PARD3: variants seen among roughly 807,000 people sequenced by gnomAD.
The protein encoded by PARD3 is par-3 family cell polarity regulator.
Under a neutral mutation model 155.4 loss-of-function variants are expected in PARD3, and 75 were observed. The observed-to-expected ratio is 0.48, with a 90% confidence interval of 0.40 to 0.58. The LOEUF is 0.58. Ranked by LOEUF, PARD3 falls within the 20% of genes least tolerant of loss-of-function variation. PARD3 has a pLI of 0.00. For synonymous variants in PARD3, 576 were observed against 610.5 expected, an observed-to-expected ratio of 0.94 and a Z score of 0.83; for missense variants, 1,642 against 1,721.7, an observed-to-expected ratio of 0.95 and a Z score of 0.82.
At chr10:34,242,018 A>G (rs1210106703) in intron 22 of PARD3, among the ~76,000 whole-genome samples, 1 of 152,214 alleles carries the variant, frequency 6.6e-6, no homozygotes, top group South Asian at 2.1e-4. Context: ...TCATTTAAAC[A>G]GAAATACCTA....
At chr10:34,603,945 G>A (rs1267051460) in intron 2 of PARD3, among the ~76,000 whole-genome samples, 2 of 152,062 alleles carry the variant, frequency 1.3e-5, no homozygotes, top group African/African-American at 2.4e-5. Flanking sequence ...AGGCGGTGAC[G>A]GTCAAAGGTG....
intron 13 of PARD3, among the ~76,000 whole-genome samples, chr10:34,359,840 A>G (rs569319965): frequency 6.6e-6 from 1 of 152,140 alleles, no homozygotes; most frequent in South Asian, 2.1e-4. Flanking sequence ...ACTTCATTTA[A>G]CTAGCATGTC....
At chr10:34,547,570 A>C (rs559249881) in intron 2 of PARD3, among the ~76,000 whole-genome samples, 1 of 152,338 alleles carries the variant, frequency 6.6e-6, no homozygotes, top group African/African-American at 2.4e-5. Context: ...TTTAACTTTA[A>C]CATTACATAG....
At chr10:34,405,280 CGAT>C (rs1844340548) in intron 5 of PARD3, among the ~76,000 whole-genome samples, 2 of 151,930 alleles carry the variant, frequency 1.3e-5, no homozygotes, top group Admixed American at 6.6e-5. Context: ...AAACAAACCT[CGAT>C]AAATCTTTTA....
intron 1 of PARD3, among the ~76,000 whole-genome samples, chr10:34,784,621 G>A (rs1402945957): frequency 6.6e-6 from 1 of 152,160 alleles, no homozygotes; most frequent in Non-Finnish European, 1.5e-5. Context: ...AATTTTAGTA[G>A]AGACAGGGTT....
In PARD3 at chr10:34,382,794, A is replaced by T; in HGVS notation, c.1145T>A (p.Phe382Tyr). The change falls in exon 9 of 25, where the codon TTT becomes TAT. Residue 382 changes from phenylalanine to tyrosine, a missense_variant. Physicochemically the swap from Phe to Tyr is conservative, Grantham distance 22 (BLOSUM62 3). Transcript: ENST00000374788. ...GTCAATATACTGGCTGTCAGGGCTAAAACGGCTTGAATAGTAATTGTTCTT... is the reference window on the plus strand; with the variant it reads ...GTCAATATACTGGCTGTCAGGGCTATAACGGCTTGAATAGTAATTGTTCTT... ...SEKNNYYSSR[F>Y]SPDSQYIDNR... The T allele has an allele frequency of 6.2e-7, 1 of 1,614,200 alleles. No homozygotes were observed. The highest frequency in any genetic ancestry group is 8.5e-7 in the Non-Finnish European group (1 of 1,180,028).
intron 5 of PARD3, among the ~76,000 whole-genome samples, chr10:34,416,298 T>C (rs768700609): frequency 2.0e-5 from 3 of 152,146 alleles, no homozygotes; most frequent in Non-Finnish European, 2.9e-5. Flanking sequence ...TCAGCTATGC[T>C]TTGAGCAGAC....
At chr10:34,426,330 T>C (rs1430156323) in intron 5 of PARD3, among the ~76,000 whole-genome samples, 1 of 152,210 alleles carries the variant, frequency 6.6e-6, no homozygotes, top group Non-Finnish European at 1.5e-5. Flanking sequence ...TCCTCGTTAC[T>C]CATAGCATTT....
intron 3 of PARD3, among the ~76,000 whole-genome samples, chr10:34,514,644 C>G (rs2081599134): frequency 6.6e-6 from 1 of 152,172 alleles, no homozygotes; most frequent in African/African-American, 2.4e-5. Context: ...CCACTGGTGG[C>G]TGCAAGACAA....
In PARD3 at chr10:34,788,464, TC is replaced by T. The variant is rs201001031; in HGVS notation, c.120+26411del. 1.8e-3 allele frequency among the ~76,000 whole-genome samples: 267 copies of T among 148,616 alleles called. 3 individuals are homozygous for T. The highest frequency in any genetic ancestry group is 7.2e-3 in the Middle Eastern group (2 of 276). ...TAGGTCCAGTTCTTTTTTTTTTTTTTCCTGAGACACAGTCTTGCTCTGTCAC... is the reference window on the plus strand; with the variant it reads ...TAGGTCCAGTTCTTTTTTTTTTTTTTCTGAGACACAGTCTTGCTCTGTCAC... On this transcript the variant is annotated intron_variant, in intron 1 of 24. Transcript: ENST00000374788.
At chr10:34,778,078 TC>T (rs1190022400) in intron 1 of PARD3, among the ~76,000 whole-genome samples, 1 of 152,158 alleles carries the variant, frequency 6.6e-6, no homozygotes, top group African/African-American at 2.4e-5. Context: ...GATACCAAAA[TC>T]CAAGGATGCT....
chr10:34,553,813 C>T lies in PARD3; in HGVS notation c.223-36654G>A, dbSNP rs1348481726. Among the ~76,000 whole-genome samples, 5 of 152,158 alleles carry T rather than the reference C, an allele frequency of 3.3e-5. No homozygotes were observed. In the South Asian group the frequency reaches 6.2e-4, roughly 19 times the overall value. ...TTCAAAAGAGGTCTAAGACACTTAA[C>T]CCAACCTTACAACACTAAAAAGGAT... On this transcript the variant is annotated intron_variant, in intron 2 of 24. Transcript: ENST00000374788.
intron 22 of PARD3, among the ~76,000 whole-genome samples, chr10:34,132,201 A>T (rs1308846911): frequency 2.0e-5 from 3 of 152,236 alleles, no homozygotes; most frequent in Non-Finnish European, 2.9e-5. Context: ...TTCAAGTGGT[A>T]GTTTCATTTA....
intron 22 of PARD3, among the ~76,000 whole-genome samples, chr10:34,193,472 A>G (rs1049173232): frequency 2.0e-5 from 3 of 152,192 alleles, no homozygotes; most frequent in Non-Finnish European, 4.4e-5. Flanking sequence ...AGTTAATAAC[A>G]ATGATGAAAA....
chr10:34,746,286 A>T lies in PARD3; in HGVS notation c.121-49867T>A, dbSNP rs549743649. 2.4e-3 allele frequency among the ~76,000 whole-genome samples: 344 copies of T among 143,496 alleles called. 2 individuals are homozygous for T. The highest frequency in any genetic ancestry group is 8.4e-3 in the African/African-American group (333 of 39,496). The allele number at this position is 143,496 out of a possible 152,430, so 94.1% of individuals were successfully genotyped here. ...AGTGAGATTCTGTCTCTACAAAATT[A>T]AAAAAAAAAAAAATTAGCTGGGCAT... On this transcript the variant is annotated intron_variant, in intron 1 of 24. Coordinates refer to ENST00000374788, the MANE Select transcript of PARD3 (RefSeq NM_001184785.2).
At chr10:34,521,335 A>C (rs2082132366) in intron 2 of PARD3, among the ~76,000 whole-genome samples, 1 of 146,694 alleles carries the variant, frequency 6.8e-6, no homozygotes, top group Non-Finnish European at 1.5e-5. Context: ...TAGAAAATCT[A>C]CTCTATAAGA....
At chr10:34,501,819 T>C (rs565068635) in intron 3 of PARD3, among the ~76,000 whole-genome samples, 3 of 151,938 alleles carry the variant, frequency 2.0e-5, no homozygotes, top group East Asian at 1.9e-4. Context: ...GGTAAAGACC[T>C]TGGCATCAGG....
In PARD3 at chr10:34,353,380, C is replaced by A. The variant is rs551487000; in HGVS notation, c.2068-5265G>T. 2.6e-5 allele frequency among the ~76,000 whole-genome samples: 4 copies of A among 152,296 alleles called. No homozygotes were observed. In the East Asian group the frequency reaches 5.8e-4, roughly 22 times the overall value. ...ATTTTGTTCTGTACCAAGAAAAATT[C>A]TTCTGCCTTGGGATGCTGTTAATCT... is the stretch of plus-strand genomic sequence containing the variant. On this transcript the variant is annotated intron_variant, in intron 14 of 24. Transcript: ENST00000374788.
At chr10:34,673,764 G>GAGAC (rs10647039) in intron 2 of PARD3, among the ~76,000 whole-genome samples, 2,676 of 152,122 alleles carry the variant, frequency 0.018, 85 homozygotes, top group African/African-American at 0.062. Flanking sequence ...AAAAGATATC[G>GAGAC]AGACAGACAG....
Sources: allele counts gnomAD v4.1 joint callset (sites outside exome capture counted in the v4.1 genomes callset), GRCh38; gene constraint gnomAD v4.1.1; transcripts MANE v1.5; gene names NCBI Gene and HGNC (gene_info 2026-07-23, HGNC 2026-07-21).